GPHN: variants seen among roughly 807,000 people sequenced by gnomAD.
GPHN encodes gephyrin.
Under a neutral mutation model 95.5 loss-of-function variants are expected in GPHN, and 17 were observed. The observed-to-expected ratio is 0.18, with a 90% CI of 0.12 to 0.27. The LOEUF (loss-of-function observed/expected upper bound fraction) is 0.27. Among genes scored for constraint, GPHN ranks in the 10% least tolerant of loss-of-function variants. The pLI is 1.00. For synonymous variants in GPHN, 320 were observed against 322.5 expected, an observed-to-expected ratio of 0.99 and a Z score of 0.08; for missense variants, 660 against 978.1, an observed-to-expected ratio of 0.67 and a Z score of 4.34.
At chr14:67,156,746 G>A (rs570901840) in intron 18 of GPHN, among the ~76,000 whole-genome samples, 86 of 152,090 alleles carry the variant, frequency 5.7e-4, no homozygotes, top group Non-Finnish European at 1.1e-3. Flanking sequence ...GGAGGCTGAG[G>A]TGGACTGATC....
the GPHN span, among the ~76,000 whole-genome samples, chr14:67,375,232 C>CTGTGTGTG: frequency 7.0e-4 from 97 of 137,670 alleles, 1 homozygote; most frequent in East Asian, 2.8e-3. Flanking sequence ...ATCCTCAGTT[C>CTGTGTGTG]TGTGTGTGTG....
intron 1 of GPHN, among the ~76,000 whole-genome samples, chr14:66,605,476 T>G (rs1314251791): frequency 2.0e-5 from 3 of 152,152 alleles, no homozygotes; most frequent in Non-Finnish European, 2.9e-5. Context: ...TTCATTTATT[T>G]CTTGGCCACT....
At chr14:67,689,147 T>C in the GPHN span, among the ~76,000 whole-genome samples, 1 of 152,226 alleles carries the variant, frequency 6.6e-6, no homozygotes, top group East Asian at 1.9e-4. Flanking sequence ...CAGTTACCCT[T>C]ATCTATCCTA....
the GPHN span, chr14:67,312,834 T>A: frequency 1.3e-6 from 1 of 789,134 alleles, no homozygotes; most frequent in Non-Finnish European, 1.8e-6. Flanking sequence ...CTTTTTCGTG[T>A]AGTTGGGTTT....
intron 2 of GPHN, among the ~76,000 whole-genome samples, chr14:66,683,367 T>TATATATATATGTTC (rs2067093294): frequency 5.3e-5 from 1 of 18,904 alleles, no homozygotes; most frequent in Non-Finnish European, 1.1e-4. Context: ...TATATATATA[T>TATATATATATGTTC]ATATATATAT....
At position 67,168,975 on chromosome 14, in the gene GPHN, T is replaced by C; in HGVS notation, c.2018T>C (p.Val673Ala). 1.9e-6 allele frequency: 3 copies of C among 1,613,626 alleles called. No homozygotes were observed. Reference protein sequence around the residue: ...SAVVTCNLFVVPALRKMQGIL... With the variant: ...SAVVTCNLFVAPALRKMQGIL... Reference sequence around the variant, plus strand: ...GTGGTCACCTGCAATCTCTTTGTTGTGCCTGCACTGAGGAAAATGCAGGGC... The same window carrying C: ...GTGGTCACCTGCAATCTCTTTGTTGCGCCTGCACTGAGGAAAATGCAGGGC... The change falls in exon 21 of 23, where the codon GTG becomes GCG. Residue 673 changes from valine to alanine, a missense_variant. Transcript: ENST00000478722.
chr14:66,577,345 C>T (rs1237811449), intron 1 of GPHN, among the ~76,000 whole-genome samples: 7 of 152,142 alleles, frequency 4.6e-5, no homozygotes, highest in African/African-American at 1.7e-4. Flanking sequence ...GGGATAAGGT[C>T]ATGATAGCTA....
chr14:66,937,032 G>T (rs2067164348), intron 8 of GPHN, among the ~76,000 whole-genome samples: 1 of 152,120 alleles, frequency 6.6e-6, no homozygotes, highest in South Asian at 2.1e-4. Flanking sequence ...CCAGACAGGA[G>T]CTTGCTGTCA....
chr14:67,581,135 G>T, the GPHN span: 2 of 772,670 alleles, frequency 2.6e-6, no homozygotes, highest in Non-Finnish European at 2.3e-6. Context: ...CAGACGGGGG[G>T]AGGGACCCAC....
At chr14:67,397,034 G>A in the GPHN span, among the ~76,000 whole-genome samples, 1 of 151,938 alleles carries the variant, frequency 6.6e-6, no homozygotes, top group African/African-American at 2.4e-5. Context: ...TGCCTCCCAG[G>A]GTCAAGCGAT....
At chr14:67,244,868 A>G in the GPHN span, among the ~76,000 whole-genome samples, 1 of 152,198 alleles carries the variant, frequency 6.6e-6, no homozygotes, top group African/African-American at 2.4e-5. Context: ...TGCTAATCAG[A>G]TGACTTTAGG....
the GPHN span, among the ~76,000 whole-genome samples, chr14:67,379,865 G>A: frequency 3.3e-5 from 5 of 151,470 alleles, no homozygotes; most frequent in South Asian, 2.1e-4. Flanking sequence ...CGTTTTAGCC[G>A]GGATGGTCTC....
At chr14:66,882,901 T>A (rs1042802859) in intron 5 of GPHN, among the ~76,000 whole-genome samples, 25 of 151,574 alleles carry the variant, frequency 1.6e-4, no homozygotes, top group Middle Eastern at 3.2e-3. Flanking sequence ...TCTCTTTTGC[T>A]CCATGGTTCC....
In GPHN at chr14:67,181,467, C is replaced by T. The variant is rs1478034257; in HGVS notation, c.*530C>T. The T allele has an allele frequency of 1.9e-6, 1 of 519,030 alleles. No individual in the cohort carries two copies. The highest frequency in any genetic ancestry group is 1.9e-5 in the African/African-American group (1 of 52,896). The allele number at this position is 519,030 out of a possible 1,614,324, so 32.2% of individuals were successfully genotyped here. ...TGGAGGCTCTGCCTTGCCTCAAGAA[C>T]CATCCCCTGCAGAGCATCCAGGGAG... On this transcript the variant is annotated 3_prime_UTR_variant, in exon 23 of 23. Coordinates refer to ENST00000478722, the MANE Select transcript of GPHN (RefSeq NM_020806.5).
intron 16 of GPHN, among the ~76,000 whole-genome samples, chr14:67,118,713 C>T (rs2153690257): frequency 6.6e-6 from 1 of 151,368 alleles, no homozygotes; most frequent in African/African-American, 2.4e-5. Flanking sequence ...GCCAGGGCGA[C>T]AGAGCGAGAC....
rs535043804 is a variant in GPHN at position 66,688,502 on chromosome 14, A to G, written c.143+7317A>G. 3.9e-5 allele frequency among the ~76,000 whole-genome samples: 6 copies of G among 152,258 alleles called. No individual in the cohort carries two copies. The South Asian group carries it at 1.2e-3, about 32-fold the overall frequency. On this transcript the variant is annotated intron_variant, in intron 2 of 22. Coordinates refer to ENST00000478722, the MANE Select transcript of GPHN (RefSeq NM_020806.5). The stretch of plus-strand genomic sequence containing the variant: ...TTTCAGTTTCTTTTTCCACTAGTTT[A>G]TTGCTGATGTTTAGAAATGGTACTT...
chr14:67,604,927 G>A, the GPHN span, among the ~76,000 whole-genome samples: 3 of 151,744 alleles, frequency 2.0e-5, no homozygotes, highest in African/African-American at 4.8e-5. Context: ...CAAATTTCTC[G>A]GTCTATTTCC....
At chr14:67,595,822 AG>A in the GPHN span, among the ~76,000 whole-genome samples, 18 of 152,316 alleles carry the variant, frequency 1.2e-4, 1 homozygote, top group South Asian at 3.7e-3. Context: ...GGGCACACTA[AG>A]GGTGTCAGCA....
the GPHN span, among the ~76,000 whole-genome samples, chr14:67,210,340 C>T: frequency 4.6e-5 from 7 of 151,898 alleles, no homozygotes; most frequent in African/African-American, 1.7e-4. Flanking sequence ...AATCCCAGCA[C>T]TTTGGGAGGC....
Sources: allele counts gnomAD v4.1 joint callset (sites outside exome capture counted in the v4.1 genomes callset), GRCh38; gene constraint gnomAD v4.1.1; transcripts MANE v1.5; gene names NCBI Gene and HGNC (gene_info 2026-07-23, HGNC 2026-07-21).